The following DNAH9 variants were observed in gnomAD, a reference collection of about 807,000 sequenced individuals.
The protein encoded by DNAH9 is dynein axonemal heavy chain 9.
A neutral mutation model predicts 471.6 loss-of-function variants in DNAH9; 345 were observed. The ratio of observed to expected loss-of-function variants is 0.73; its 90% CI spans 0.67 to 0.80. DNAH9 has a LOEUF of 0.80. DNAH9 is among the 30% of genes least tolerant of loss of function. The pLI, the probability that DNAH9 is intolerant of heterozygous loss-of-function variation, is 0.00. For missense variants in DNAH9, 5,407 were observed against 5,609.2 expected (o/e 0.96, Z 1.15); for synonymous variants, 2,093 against 2,123.6 (o/e 0.99, Z 0.40).
chr17:11,771,601 G>C (rs551621153), intron 38 of DNAH9, among the ~76,000 whole-genome samples: 1 of 152,272 alleles, frequency 6.6e-6, no homozygotes, highest in South Asian at 2.1e-4. Context: ...CCTGGCAGTG[G>C]CCTTAAGCCG....
At chr17:11,769,435 AC>A in intron 38 of DNAH9, 106 bp downstream of exon 38, 1 of 960,858 alleles carries the variant, frequency 1.0e-6, no homozygotes, top group East Asian at 2.6e-5. Flanking sequence ...AGTTCTGCAT[AC>A]CCCAGCACTG....
intron 45 of DNAH9, among the ~76,000 whole-genome samples, chr17:11,812,470 A>G (rs1461420290): frequency 1.3e-5 from 2 of 152,084 alleles, no homozygotes; most frequent in Non-Finnish European, 2.9e-5. Flanking sequence ...AACCTCCAGG[A>G]AGTTCCTGGC....
rs1244798857 is a variant in DNAH9, at chr17:11,698,160, ATAT to A, written c.4873-1564_4873-1562del. Among the ~76,000 whole-genome samples the A allele has an allele frequency of 5.8e-4, 51 of 88,344 alleles. 1 individual carries two copies. The highest frequency in any genetic ancestry group is 6.8e-3 in the Middle Eastern group (1 of 146). The allele number at this position is 88,344 out of a possible 152,430, so 58.0% of individuals were successfully genotyped here. Reference sequence around the variant, plus strand: ...TATATATTAGTATTATATTATTAATATATTATTATATTAATATATTATTATATT... The same window carrying A: ...TATATATTAGTATTATATTATTAATATATTATATTAATATATTATTATATT... On this transcript the variant is annotated intron_variant, in intron 22 of 68. Coordinates refer to ENST00000262442, the MANE Select transcript of DNAH9 (RefSeq NM_001372.4).
Position 11,883,623 on chromosome 17 carries a change from C to G in DNAH9, c.10844C>G (p.Thr3615Ser). 1 of 1,614,120 alleles carries G rather than the reference C, an allele frequency of 6.2e-7. No individual in the cohort carries two copies. The highest frequency in any genetic ancestry group is 1.3e-5 in the African/African-American group (1 of 75,030). The change falls in exon 56 of 69, where the codon ACC (threonine) becomes AGC (serine). Residue 3615 changes from threonine to serine, a missense_variant. This residue lies in a region of DNAH9 where 4,636 missense variants were observed against 4,900.3 expected (regional missense o/e 0.95). Transcript: ENST00000262442. ...LTKQQNGFKI[T>S]LKTLEDSLLS... ...AAGCAGCAGAATGGATTCAAAATTA[C>G]CCTGAAAACGTTGGAAGACAGTCTT...
chr17:11,678,134 C>T (rs2074078020), intron 17 of DNAH9, among the ~76,000 whole-genome samples: 1 of 152,164 alleles, frequency 6.6e-6, no homozygotes, highest in Non-Finnish European at 1.5e-5. Context: ...CAACTCACTG[C>T]AACCTCTCTG....
chr17:11,901,860 G>A (rs541643202), intron 59 of DNAH9, among the ~76,000 whole-genome samples: 1 of 152,356 alleles, frequency 6.6e-6, no homozygotes, highest in African/African-American at 2.4e-5. Flanking sequence ...GCCATGGGTT[G>A]GACAAGCTTG....
chr17:11,794,139 G>C (rs910583328), intron 42 of DNAH9, among the ~76,000 whole-genome samples: 5 of 147,098 alleles, frequency 3.4e-5, no homozygotes, highest in Non-Finnish European at 5.9e-5. Context: ...CCGCCTCCCA[G>C]GTTCATGCCA....
In DNAH9 at chr17:11,611,697, T is replaced by A. The variant is rs1488993329; in HGVS notation, c.821T>A (p.Val274Glu). 3.1e-6 allele frequency: 5 copies of A among 1,613,716 alleles called. No individual in the cohort carries two copies. Among genetic ancestry groups the A allele is most frequent in the Non-Finnish European group, 4.2e-6 (5 of 1,179,720 alleles). The change falls in exon 4 of 69, where the codon GTG (valine) becomes GAG (glutamate). Residue 274 changes from valine (V) to glutamate (E), a missense_variant. By Grantham distance (121) the Val-to-Glu change is moderately radical. This residue lies in a region of DNAH9 where 767 missense variants were observed against 692.5 expected (regional missense o/e 1.11). Transcript: ENST00000262442. ...YIYNQLRTIT[V>E]RGMAKLLDKL... ...TATAATCAACTGAGAACAATAACGG[T>A]GAGGGGCATGGCCAAGCTCCTGGAC...
chr17:11,658,645 T>C (rs1597445166), intron 14 of DNAH9, among the ~76,000 whole-genome samples: 1 of 152,282 alleles, frequency 6.6e-6, no homozygotes, highest in East Asian at 1.9e-4. Flanking sequence ...TTCATGGATG[T>C]TCTTTGTCAG....
At chr17:11,796,883 G>C (rs1238934905) in intron 42 of DNAH9, among the ~76,000 whole-genome samples, 5 of 152,158 alleles carry the variant, frequency 3.3e-5, no homozygotes, top group Admixed American at 6.5e-5. Flanking sequence ...TATTGGTGAA[G>C]AGACGCAGAC....
At chr17:11,891,739 G>A in intron 57 of DNAH9, 38 bp from the exon 58 acceptor site, 1 of 1,607,220 alleles carries the variant, frequency 6.2e-7, no homozygotes, top group South Asian at 1.1e-5. Flanking sequence ...TAGTAAGAGG[G>A]CTGTGTACCT....
intron 37 of DNAH9, 105 bp from the exon 38 acceptor site, chr17:11,769,017 C>A: frequency 8.4e-7 from 1 of 1,191,314 alleles, no homozygotes; most frequent in Non-Finnish European, 1.2e-6. Context: ...TTGGGGAGCT[C>A]CATCGTGACG....
At chr17:11,604,868 C>T (rs1246352723) in intron 1 of DNAH9, among the ~76,000 whole-genome samples, 1 of 152,202 alleles carries the variant, frequency 6.6e-6, no homozygotes, top group African/African-American at 2.4e-5. Flanking sequence ...TCCCTTTCCA[C>T]CTTTGCCCCT....
chr17:11,606,467 TG>T (rs2072510161), intron 1 of DNAH9, among the ~76,000 whole-genome samples: 1 of 140,266 alleles, frequency 7.1e-6, no homozygotes, highest in Non-Finnish European at 1.5e-5. Context: ...TTTTTTTTTT[TG>T]AGACAGAGTC....
At chr17:11,698,882 T>C (rs1423650219) in intron 22 of DNAH9, among the ~76,000 whole-genome samples, 1 of 152,070 alleles carries the variant, frequency 6.6e-6, no homozygotes, top group Non-Finnish European at 1.5e-5. Flanking sequence ...CCAGACTTTA[T>C]GCTTGCCATG....
At chr17:11,918,178 CT>C (rs1419228666) in intron 61 of DNAH9, among the ~76,000 whole-genome samples, 5 of 151,860 alleles carry the variant, frequency 3.3e-5, no homozygotes, top group African/African-American at 1.2e-4. Flanking sequence ...TGACCCCATT[CT>C]TTTTTCTTGT....
intron 67 of DNAH9, among the ~76,000 whole-genome samples, chr17:11,948,011 C>T (rs1022879647): frequency 2.6e-5 from 4 of 151,792 alleles, no homozygotes; most frequent in Non-Finnish European, 5.9e-5. Flanking sequence ...GTGATCCACC[C>T]ACCTCGGCCT....
intron 61 of DNAH9, among the ~76,000 whole-genome samples, chr17:11,911,580 A>G (rs1268775776): frequency 6.6e-6 from 1 of 152,152 alleles, no homozygotes; most frequent in Non-Finnish European, 1.5e-5. Context: ...TATGTTTCAT[A>G]TAATTTTAGA....
chr17:11,620,356 T>C (rs2072831538), intron 6 of DNAH9, among the ~76,000 whole-genome samples: 1 of 146,392 alleles, frequency 6.8e-6, no homozygotes, highest in Non-Finnish European at 1.5e-5. Flanking sequence ...CTACTAAAAA[T>C]ACAAAAATTA....
Sources: allele counts gnomAD v4.1 joint callset (sites outside exome capture counted in the v4.1 genomes callset), GRCh38; gene constraint gnomAD v4.1.1; regional missense constraint gnomAD v4.1.1; transcripts MANE v1.5; gene names NCBI Gene and HGNC (gene_info 2026-07-23, HGNC 2026-07-21).